The following PLXDC2 variants were observed in gnomAD, a reference collection of about 807,000 sequenced individuals.
PLXDC2 encodes plexin domain containing 2.
Under a neutral mutation model 68.9 loss-of-function variants are expected in PLXDC2, and 40 were observed. The ratio of observed to expected loss-of-function variants is 0.58; its 90% CI spans 0.45 to 0.76. The LOEUF is 0.76. Ranked by LOEUF, PLXDC2 falls within the 30% of genes least tolerant of loss-of-function variation. PLXDC2 has a pLI of 0.00. For missense variants in PLXDC2, 644 were observed against 661.9 expected, an observed-to-expected ratio of 0.97 and a Z score of 0.30; for synonymous variants, 243 against 234.2, an observed-to-expected ratio of 1.04 and a Z score of -0.34.
intron 1 of PLXDC2, among the ~76,000 whole-genome samples, chr10:19,903,294 CTG>C (rs1050227242): frequency 3.1e-4 from 47 of 150,120 alleles, no homozygotes; most frequent in African/African-American, 1.0e-3. Context: ...AGCTGTGAAT[CTG>C]TGTGGTCCTG....
intron 6 of PLXDC2, among the ~76,000 whole-genome samples, chr10:20,148,657 G>A (rs1440757335): frequency 1.3e-5 from 2 of 152,154 alleles, no homozygotes; most frequent in East Asian, 1.9e-4. Flanking sequence ...CAAATGTAAT[G>A]TTTTAGATAG....
At chr10:20,137,889 A>G (rs1833954338) in intron 4 of PLXDC2, among the ~76,000 whole-genome samples, 1 of 152,122 alleles carries the variant, frequency 6.6e-6, no homozygotes, top group Non-Finnish European at 1.5e-5. Flanking sequence ...ACATGGTCTC[A>G]GTATGATTGA....
chr10:19,886,724 A>T (rs1030043876), intron 1 of PLXDC2, among the ~76,000 whole-genome samples: 1 of 152,214 alleles, frequency 6.6e-6, no homozygotes, highest in African/African-American at 2.4e-5. Context: ...CAAGACAGGG[A>T]TGCCCTCTCT....
intron 2 of PLXDC2, among the ~76,000 whole-genome samples, chr10:20,028,432 A>G (rs1215573985): frequency 6.6e-6 from 1 of 152,212 alleles, no homozygotes; most frequent in Non-Finnish European, 1.5e-5. Context: ...GAGGCCTCTC[A>G]ATTACAACTG....
At chr10:20,004,406 T>C (rs964204691) in intron 2 of PLXDC2, among the ~76,000 whole-genome samples, 3 of 152,152 alleles carry the variant, frequency 2.0e-5, no homozygotes, top group Admixed American at 1.3e-4. Context: ...ATGATGATGT[T>C]ATAGCAACTT....
chr10:19,914,575 A>C (rs1049293562), intron 1 of PLXDC2, among the ~76,000 whole-genome samples: 2 of 152,364 alleles, frequency 1.3e-5, no homozygotes. Flanking sequence ...TTTTCAGGCC[A>C]AAGCATTTAT....
chr10:20,171,739 C>A (rs185786185), intron 7 of PLXDC2, among the ~76,000 whole-genome samples: 16 of 151,956 alleles, frequency 1.1e-4, no homozygotes, highest in Admixed American at 9.2e-4. Flanking sequence ...TAAATTCTTT[C>A]TTTTATTTCA....
chr10:20,019,756 T>C (rs540659887), intron 2 of PLXDC2, among the ~76,000 whole-genome samples: 1 of 152,288 alleles, frequency 6.6e-6, no homozygotes, highest in Non-Finnish European at 1.5e-5. Context: ...ACTTCCAGCC[T>C]CTAAAAATTG....
At chr10:19,845,088 G>A (rs1213466602) in intron 1 of PLXDC2, among the ~76,000 whole-genome samples, 1 of 152,106 alleles carries the variant, frequency 6.6e-6, no homozygotes, top group Non-Finnish European at 1.5e-5. Context: ...TCCAGATGTG[G>A]TTTTCATAGG....
intron 1 of PLXDC2, among the ~76,000 whole-genome samples, chr10:19,828,039 G>A (rs1212787657): frequency 6.6e-6 from 1 of 152,172 alleles, no homozygotes; most frequent in East Asian, 1.9e-4. Context: ...CTCAGTTAAG[G>A]GAAGGAAATG....
intron 1 of PLXDC2, among the ~76,000 whole-genome samples, chr10:19,849,062 CTTGT>C (rs1477558192): frequency 1.3e-5 from 2 of 152,002 alleles, no homozygotes; most frequent in African/African-American, 2.4e-5. Context: ...CTTCAATGCC[CTTGT>C]TTTTTATTTA....
At chr10:20,043,457 A>G (rs904922494) in intron 2 of PLXDC2, 1 of 152,186 alleles carries the variant, frequency 6.6e-6, no homozygotes, top group Admixed American at 6.6e-5. Flanking sequence ...TCTTTATGAT[A>G]ACTTCAAGAC....
chr10:19,933,227 T>C (rs1313305267), intron 1 of PLXDC2, among the ~76,000 whole-genome samples: 1 of 152,198 alleles, frequency 6.6e-6, no homozygotes. Flanking sequence ...TTAAAGACAT[T>C]TTATAGTATC....
intron 12 of PLXDC2, among the ~76,000 whole-genome samples, chr10:20,241,528 G>A (rs1835516121): frequency 6.6e-6 from 1 of 152,206 alleles, no homozygotes; most frequent in African/African-American, 2.4e-5. Context: ...GCACATGTCT[G>A]TAATCCCAGC....
At chr10:20,129,711 AATT>A (rs1833842298) in intron 4 of PLXDC2, among the ~76,000 whole-genome samples, 1 of 152,072 alleles carries the variant, frequency 6.6e-6, no homozygotes, top group Non-Finnish European at 1.5e-5. Context: ...ATAATGCTCC[AATT>A]TTATTTTTCT....
intron 2 of PLXDC2, among the ~76,000 whole-genome samples, chr10:20,021,678 ATTATTTAT>A (rs71388891): frequency 2.3e-4 from 34 of 148,398 alleles, no homozygotes; most frequent in African/African-American, 8.4e-4. Flanking sequence ...ATTTTTTTTT[ATTATTTAT>A]TTATTTATTT....
At chr10:19,818,666 CTG>C (rs1215626154) in intron 1 of PLXDC2, among the ~76,000 whole-genome samples, 8 of 152,130 alleles carry the variant, frequency 5.3e-5, no homozygotes, top group Admixed American at 4.6e-4. Context: ...TTGTTCTTGA[CTG>C]TGTATGATTT....
chr10:19,911,149 T>G (rs2131374143), intron 1 of PLXDC2, among the ~76,000 whole-genome samples: 1 of 152,056 alleles, frequency 6.6e-6, no homozygotes, highest in East Asian at 1.9e-4. Flanking sequence ...TAACCTTCCT[T>G]GATCCAAGAC....
intron 1 of PLXDC2, among the ~76,000 whole-genome samples, chr10:19,946,636 TG>T (rs1333645588): frequency 2.6e-5 from 4 of 151,914 alleles, no homozygotes; most frequent in African/African-American, 9.7e-5. Context: ...AGTTTTTCCG[TG>T]GACGGGGCGA....
Sources: allele counts gnomAD v4.1 joint callset (sites outside exome capture counted in the v4.1 genomes callset), GRCh38; gene constraint gnomAD v4.1.1; transcripts MANE v1.5; gene names NCBI Gene and HGNC (gene_info 2026-07-23, HGNC 2026-07-21).